Variants in GRIK2 observed in about 807,000 individuals in gnomAD.
The protein encoded by GRIK2 is glutamate ionotropic receptor kainate type subunit 2.
In GRIK2, 32 loss-of-function variants were observed where a neutral mutation model predicts 100.3. The observed-to-expected ratio is 0.32, with a 90% CI of 0.24 to 0.43. GRIK2 has a LOEUF of 0.43. Ranked by LOEUF, GRIK2 falls within the 20% of genes least tolerant of loss-of-function variation. The probability of loss-of-function intolerance (pLI) is 1.00; values close to 1 mark genes in which losing one functional copy is unlikely to be tolerated. For synonymous variants in GRIK2, 417 were observed against 389.4 expected, an observed-to-expected ratio of 1.07 and a Z score of -0.83; for missense variants, 843 against 1,114.9, an observed-to-expected ratio of 0.76 and a Z score of 3.47.
At chr6:101,574,160 T>C (rs1562235690) in intron 2 of GRIK2, among the ~76,000 whole-genome samples, 1 of 150,924 alleles carries the variant, frequency 6.6e-6, no homozygotes, top group African/African-American at 2.4e-5. Context: ...AAATTATAGG[T>C]GTTTATATAT....
chr6:101,591,398 T>G (rs1000981833), intron 2 of GRIK2, among the ~76,000 whole-genome samples: 1 of 151,974 alleles, frequency 6.6e-6, no homozygotes, highest in Non-Finnish European at 1.5e-5. Flanking sequence ...CTACTCTTTA[T>G]CTGCCAAATC....
chr6:101,729,461 A>T (rs1775102917), intron 7 of GRIK2, among the ~76,000 whole-genome samples: 1 of 151,952 alleles, frequency 6.6e-6, no homozygotes, highest in Admixed American at 6.6e-5. Context: ...TATGTATAGA[A>T]CGTACTAATT....
chr6:101,594,985 C>A (rs543090116), intron 2 of GRIK2, among the ~76,000 whole-genome samples: 1 of 151,206 alleles, frequency 6.6e-6, no homozygotes, highest in South Asian at 2.1e-4. Context: ...GATCTTATAT[C>A]AGGGCAAATG....
intron 4 of GRIK2, among the ~76,000 whole-genome samples, chr6:101,652,038 G>C (rs1781820444): frequency 6.6e-6 from 1 of 152,170 alleles, no homozygotes; most frequent in Non-Finnish European, 1.5e-5. Context: ...AATGAAGGCT[G>C]AAAATTGGCT....
chr6:101,394,522 A>G (rs1402832478), intron 1 of GRIK2, among the ~76,000 whole-genome samples: 1 of 152,248 alleles, frequency 6.6e-6, no homozygotes, highest in Admixed American at 6.5e-5. Context: ...GGGGAATATT[A>G]GAAAACTTAC....
At chr6:102,065,782 T>C (rs1484244413) in intron 16 of GRIK2, 1 of 1,493,634 alleles carries the variant, frequency 6.7e-7, no homozygotes, top group Admixed American at 2.1e-5. Context: ...ATTCTTCTGT[T>C]AAATGTTTCA....
chr6:101,652,635 TTAAA>T (rs758895820), intron 4 of GRIK2, among the ~76,000 whole-genome samples: 5 of 152,258 alleles, frequency 3.3e-5, no homozygotes, highest in African/African-American at 9.6e-5. Context: ...TTAATTAAAA[TTAAA>T]TAAATAACAG....
At chr6:101,433,815 CCT>C (rs1324444664) in intron 2 of GRIK2, among the ~76,000 whole-genome samples, 1 of 152,110 alleles carries the variant, frequency 6.6e-6, no homozygotes, top group Non-Finnish European at 1.5e-5. Context: ...TTATTTATCC[CCT>C]GTTTGCCTAT....
intron 2 of GRIK2, among the ~76,000 whole-genome samples, chr6:101,487,739 A>T (rs2128264989): frequency 6.8e-6 from 1 of 146,748 alleles, no homozygotes; most frequent in East Asian, 1.9e-4. Context: ...CTATGTAGTA[A>T]TTATAGCTTT....
At chr6:101,784,131 T>C (rs2399636) in intron 7 of GRIK2, among the ~76,000 whole-genome samples, 40,964 of 151,966 alleles carry the variant, frequency 0.27, 7,400 homozygotes, top group East Asian at 0.68. Context: ...AAAATGTCTC[T>C]AAGGCATATC....
chr6:101,873,889 G>A (rs1287904781), intron 11 of GRIK2, among the ~76,000 whole-genome samples: 2 of 152,156 alleles, frequency 1.3e-5, no homozygotes, highest in African/African-American at 4.8e-5. Context: ...CTGCATAAAT[G>A]TCTTCTTTGG....
chr6:101,817,853 CCAA>C (rs1211580915), intron 9 of GRIK2, among the ~76,000 whole-genome samples: 1 of 152,160 alleles, frequency 6.6e-6, no homozygotes, highest in African/African-American at 2.4e-5. Flanking sequence ...TTTTAAATCT[CCAA>C]AGATAATTCT....
chr6:101,566,779 AT>A (rs1251563979), intron 2 of GRIK2, among the ~76,000 whole-genome samples: 1 of 149,930 alleles, frequency 6.7e-6, no homozygotes, highest in East Asian at 1.9e-4. Flanking sequence ...AGACATATGT[AT>A]GCCTATTATA....
At chr6:101,677,104 A>T (rs1770898098) in intron 5 of GRIK2, among the ~76,000 whole-genome samples, 1 of 152,118 alleles carries the variant, frequency 6.6e-6, no homozygotes, top group Admixed American at 6.6e-5. Flanking sequence ...TTTTGAAATG[A>T]GGGAAGGAAC....
At chr6:101,760,730 A>ATATT (rs1562364943) in intron 7 of GRIK2, among the ~76,000 whole-genome samples, 4 of 133,154 alleles carry the variant, frequency 3.0e-5, no homozygotes, top group South Asian at 2.1e-4. Context: ...ATTTAATTAT[A>ATATT]TAATTATATA....
At chr6:101,660,045 T>A (rs200805670) in intron 4 of GRIK2, among the ~76,000 whole-genome samples, 1 of 152,156 alleles carries the variant, frequency 6.6e-6, no homozygotes. Flanking sequence ...AAGTTCTCCT[T>A]GATAATATCC....
intron 14 of GRIK2, among the ~76,000 whole-genome samples, chr6:102,015,379 C>T (rs1337121715): frequency 6.6e-6 from 1 of 152,070 alleles, no homozygotes; most frequent in African/African-American, 2.4e-5. Flanking sequence ...TTGGATCTTG[C>T]TTCTTTACCC....
chr6:101,755,997 G>T (rs1201992125), intron 7 of GRIK2, among the ~76,000 whole-genome samples: 1 of 152,172 alleles, frequency 6.6e-6, no homozygotes, highest in Non-Finnish European at 1.5e-5. Flanking sequence ...GAGTGGGCAT[G>T]TGGGCACTTC....
chr6:101,747,329 G>C (rs1562353716), intron 7 of GRIK2, among the ~76,000 whole-genome samples: 2 of 152,172 alleles, frequency 1.3e-5, no homozygotes, highest in Non-Finnish European at 2.9e-5. Flanking sequence ...GAATCAGCAG[G>C]CATGGATAGT....
Sources: allele counts gnomAD v4.1 joint callset (sites outside exome capture counted in the v4.1 genomes callset), GRCh38; gene constraint gnomAD v4.1.1; transcripts MANE v1.5; gene names NCBI Gene and HGNC (gene_info 2026-07-23, HGNC 2026-07-21).